Variants in ARMC2 observed in about 807,000 individuals in gnomAD.
The protein encoded by ARMC2 is armadillo repeat-containing protein 2.
In ARMC2, 67 loss-of-function variants were observed where a neutral mutation model predicts 90.3. That is an observed-to-expected ratio of 0.74 (90% CI 0.61 to 0.91). The LOEUF (loss-of-function observed/expected upper bound fraction) is 0.91. Ranked by LOEUF, ARMC2 falls within the 40% of genes least tolerant of loss-of-function variation. ARMC2 has a pLI of 0.00. For missense variants in ARMC2, 920 were observed against 1,030.9 expected (o/e 0.89, Z 1.47); for synonymous variants, 393 against 393.0 (o/e 1.00, Z 0.00).
intron 12 of ARMC2, among the ~76,000 whole-genome samples, chr6:108,949,268 G>A (rs1283182204): frequency 6.6e-6 from 1 of 152,164 alleles, no homozygotes; most frequent in South Asian, 2.1e-4. Flanking sequence ...TCAAATGTGC[G>A]AGGGAGATGG....
the ARMC2 span, among the ~76,000 whole-genome samples, chr6:109,019,431 A>C: frequency 6.6e-6 from 1 of 152,240 alleles, no homozygotes; most frequent in African/African-American, 2.4e-5. Flanking sequence ...TAAAGAGAAA[A>C]AGCTGTTGGA....
In ARMC2 at chr6:108,974,168, T is replaced by A. The variant is rs1449678090; in HGVS notation, c.*654T>A. On this transcript the variant is annotated 3_prime_UTR_variant, in exon 18 of 18. Transcript: ENST00000392644. ...ATTGTAACTCTCTGTGTTTGACAGG[T>A]GAGGTAATGTATTAGAAAGAATGCA... 6.6e-6 allele frequency: 1 copy of A among 152,302 alleles called. No individual in the cohort carries two copies. The highest frequency in any genetic ancestry group is 1.5e-5 in the Non-Finnish European group (1 of 68,030). The allele number at this position is 152,302 out of a possible 1,614,324, so 9.4% of individuals were successfully genotyped here.
intron 12 of ARMC2, among the ~76,000 whole-genome samples, chr6:108,937,683 CATT>C (rs1776062854): frequency 1.3e-5 from 2 of 152,112 alleles, no homozygotes; most frequent in East Asian, 3.9e-4. Flanking sequence ...TTCATACAGA[CATT>C]ATTTTTATTT....
At chr6:108,972,594 T>C (rs927280295) in intron 17 of ARMC2, among the ~76,000 whole-genome samples, 3 of 152,222 alleles carry the variant, frequency 2.0e-5, no homozygotes, top group Non-Finnish European at 4.4e-5. Context: ...GAAATTGTGA[T>C]CTGACTTTTA....
the ARMC2 span, among the ~76,000 whole-genome samples, chr6:109,022,574 A>G: frequency 2.3e-3 from 348 of 151,446 alleles, 2 homozygotes; most frequent in Non-Finnish European, 3.8e-3. Context: ...ACGCCCGGCT[A>G]ATTTTTTGTA....
At chr6:108,907,977 T>C (rs1054441739) in intron 8 of ARMC2, 1 of 1,028,612 alleles carries the variant, frequency 9.7e-7, no homozygotes, top group Non-Finnish European at 1.4e-6. Flanking sequence ...TAAACATTTA[T>C]TAAGGTTCCC....
At chr6:108,886,890 T>TG (rs1211560936) in intron 5 of ARMC2, among the ~76,000 whole-genome samples, 1 of 149,708 alleles carries the variant, frequency 6.7e-6, no homozygotes, top group African/African-American at 2.5e-5. Flanking sequence ...ATAGTTTTTT[T>TG]TTTGTTTGTT....
the ARMC2 span, among the ~76,000 whole-genome samples, chr6:109,003,783 C>T: frequency 6.6e-6 from 1 of 152,108 alleles, no homozygotes; most frequent in Admixed American, 6.5e-5. Context: ...CCAATAGCAG[C>T]CATTTATATA....
the ARMC2 span, among the ~76,000 whole-genome samples, chr6:109,049,763 ATATATT>A: frequency 1.3e-5 from 2 of 150,782 alleles, no homozygotes; most frequent in African/African-American, 2.4e-5. Flanking sequence ...ATCATTACAT[ATATATT>A]TATATGTATT....
the ARMC2 span, among the ~76,000 whole-genome samples, chr6:109,018,567 G>A: frequency 8.0e-5 from 12 of 149,760 alleles, no homozygotes; most frequent in Admixed American, 2.6e-4. Flanking sequence ...TTGTAATGTT[G>A]AAGGAACAGA....
intron 6 of ARMC2, 67 bp from the exon 7 acceptor site, chr6:108,899,626 CT>C: frequency 8.6e-7 from 1 of 1,167,664 alleles, no homozygotes. Context: ...ATAGTAAAGG[CT>C]TTTGACCATG....
At position 108,950,270 on chromosome 6, in the gene ARMC2, TA is replaced by T. The variant is rs1245733425; in HGVS notation, c.1597-2762del. On this transcript the variant is annotated intron_variant, in intron 12 of 17. Coordinates refer to ENST00000392644, the MANE Select transcript of ARMC2 (RefSeq NM_032131.6). ...TTGACCCAGAAATCCCATTATTGGG[TA>T]TATACCCAAAGGAATATAAATAAAT... Among the ~76,000 whole-genome samples the T allele has an allele frequency of 2.6e-5, 4 of 152,288 alleles. 1 individual carries two copies. In the East Asian group the frequency reaches 7.7e-4, roughly 29 times the overall value.
intron 13 of ARMC2, 100 bp downstream of exon 13, chr6:108,953,451 A>G: frequency 8.1e-7 from 1 of 1,238,882 alleles, no homozygotes; most frequent in Non-Finnish European, 1.1e-6. Context: ...TTATTATCAC[A>G]AGTGGCTCCC....
intron 3 of ARMC2, among the ~76,000 whole-genome samples, chr6:108,865,522 G>A (rs1484882978): frequency 6.6e-6 from 1 of 152,150 alleles, no homozygotes; most frequent in Non-Finnish European, 1.5e-5. Flanking sequence ...CATGAGATGC[G>A]TGTTTAAATG....
intron 8 of ARMC2, among the ~76,000 whole-genome samples, chr6:108,906,805 G>A (rs561293905): frequency 4.3e-4 from 65 of 152,230 alleles, no homozygotes; most frequent in Non-Finnish European, 7.8e-4. Flanking sequence ...CTTGACACTG[G>A]GAATACAAGT....
the ARMC2 span, chr6:109,009,493 G>GCGGCGAGCGCTGGGCAGC: frequency 2.3e-4 from 284 of 1,228,090 alleles, no homozygotes; most frequent in Non-Finnish European, 2.8e-4. Flanking sequence ...ACGCGCGGAG[G>GCGGCGAGCGCTGGGCAGC]CGGCGAGCGC....
chr6:109,018,068 T>C, the ARMC2 span, among the ~76,000 whole-genome samples: 1 of 152,212 alleles, frequency 6.6e-6, no homozygotes, highest in African/African-American at 2.4e-5. Flanking sequence ...TCCAGAGTTC[T>C]ATGCTTTCAG....
At chr6:109,044,155 TAAAA>T in the ARMC2 span, among the ~76,000 whole-genome samples, 1 of 144,740 alleles carries the variant, frequency 6.9e-6, no homozygotes, top group African/African-American at 2.5e-5. Flanking sequence ...CTACTACAAA[TAAAA>T]AAAAAATTAT....
Position 108,876,273 on chromosome 6 carries a change from T to C in ARMC2, c.594T>C (p.Asp198=). 8 of 1,612,978 alleles carry C rather than the reference T, an allele frequency of 5.0e-6. No homozygotes were observed. Among genetic ancestry groups the C allele is most frequent in the Non-Finnish European group, 6.8e-6 (8 of 1,179,602 alleles). ...GTCACCCACTTCAGCTAACTGATGA[T>C]GGAGGCTTCAGTGAAATAAAGGAGC... ...LKSHPLQLTD[D]GGFSEIKEQE... is the part of the protein sequence containing the mutation. Residue 198 remains aspartate (D), a synonymous_variant, in exon 5 of 18, where the codon GAT becomes GAC. Coordinates refer to ENST00000392644, the MANE Select transcript of ARMC2 (RefSeq NM_032131.6).
Sources: allele counts gnomAD v4.1 joint callset (sites outside exome capture counted in the v4.1 genomes callset), GRCh38; gene constraint gnomAD v4.1.1; transcripts MANE v1.5; gene names NCBI Gene and HGNC (gene_info 2026-07-23, HGNC 2026-07-21).